ULK4: variants seen among roughly 807,000 people sequenced by gnomAD.
The protein encoded by ULK4 is inactive serine/threonine-protein kinase ULK4.
ULK4 carries 133 observed loss-of-function variants against 160.6 expected under a neutral mutation model. The ratio of observed to expected loss-of-function variants is 0.83; its 90% CI spans 0.72 to 0.96. The LOEUF is 0.96. Ranked by LOEUF, ULK4 falls within the 40% of genes least tolerant of loss-of-function variation. The pLI is 0.00. For synonymous variants in ULK4, 534 were observed against 539.8 expected, an observed-to-expected ratio of 0.99 and a Z score of 0.15; for missense variants, 1,580 against 1,499.5, an observed-to-expected ratio of 1.05 and a Z score of -0.89.
intron 34 of ULK4, among the ~76,000 whole-genome samples, chr3:41,440,976 T>TAC (rs2083153462): frequency 6.6e-6 from 1 of 152,070 alleles, no homozygotes; most frequent in African/African-American, 2.4e-5. Context: ...GTAGAATTTG[T>TAC]AGAGATGTCT....
chr3:41,756,540 T>TG (rs1275733760), intron 21 of ULK4, among the ~76,000 whole-genome samples: 1 of 151,998 alleles, frequency 6.6e-6, no homozygotes, highest in African/African-American at 2.4e-5. Flanking sequence ...AAAAGGAAGA[T>TG]GAGAACATTG....
chr3:41,693,683 G>A (rs2036388894), intron 27 of ULK4, among the ~76,000 whole-genome samples: 1 of 152,182 alleles, frequency 6.6e-6, no homozygotes, highest in African/African-American at 2.4e-5. Flanking sequence ...AGAGTAATGA[G>A]AGTATGATGG....
intron 16 of ULK4, among the ~76,000 whole-genome samples, chr3:41,890,452 G>A (rs1319814639): frequency 6.6e-6 from 1 of 151,998 alleles, no homozygotes; most frequent in African/African-American, 2.4e-5. Flanking sequence ...GGCCAAGGCA[G>A]GTGGATCACT....
intron 32 of ULK4, among the ~76,000 whole-genome samples, chr3:41,529,665 A>G (rs2086235576): frequency 6.6e-6 from 1 of 151,868 alleles, no homozygotes; most frequent in African/African-American, 2.4e-5. Context: ...TTTTTCCCCC[A>G]TATTTTTAGT....
chr3:41,751,061 T>G (rs1002928399), intron 22 of ULK4, among the ~76,000 whole-genome samples: 29 of 151,260 alleles, frequency 1.9e-4, no homozygotes, highest in Non-Finnish European at 3.7e-4. Flanking sequence ...CGGGTCAGCC[T>G]GCTCTTCCCG....
At chr3:41,833,297 T>TTTTGTTTTTTTTTTG in intron 18 of ULK4, among the ~76,000 whole-genome samples, 1 of 139,056 alleles carries the variant, frequency 7.2e-6, no homozygotes. Flanking sequence ...TTTTTTTTTT[T>TTTTGTTTTTTTTTTG]TTTGTTTGTT....
At chr3:41,873,934 C>T (rs1697209955) in intron 17 of ULK4, among the ~76,000 whole-genome samples, 1 of 150,552 alleles carries the variant, frequency 6.6e-6, no homozygotes, top group Non-Finnish European at 1.5e-5. Context: ...ATTATCTCAA[C>T]AGCTAAATTG....
At chr3:41,526,502 T>C (rs1460472548) in intron 32 of ULK4, among the ~76,000 whole-genome samples, 1 of 152,238 alleles carries the variant, frequency 6.6e-6, no homozygotes, top group Non-Finnish European at 1.5e-5. Flanking sequence ...AGACCAGAGA[T>C]GACAGAAATG....
At chr3:41,399,562 G>A (rs1021516722) in intron 34 of ULK4, among the ~76,000 whole-genome samples, 2 of 151,878 alleles carry the variant, frequency 1.3e-5, no homozygotes, top group Non-Finnish European at 2.9e-5. Flanking sequence ...AGATATCTAA[G>A]AATGTTTTAT....
chr3:41,654,149 T>C (rs1470427760), intron 30 of ULK4, among the ~76,000 whole-genome samples: 1 of 152,164 alleles, frequency 6.6e-6, no homozygotes, highest in Non-Finnish European at 1.5e-5. Flanking sequence ...GGTTCACAAA[T>C]CAAGAAATCC....
chr3:41,850,761 C>T (rs894947882), intron 17 of ULK4, among the ~76,000 whole-genome samples: 3 of 152,128 alleles, frequency 2.0e-5, no homozygotes, highest in Non-Finnish European at 4.4e-5. Context: ...TGTAGGTTGC[C>T]TGTTCACTCT....
At chr3:41,420,417 A>G (rs143541666) in intron 34 of ULK4, among the ~76,000 whole-genome samples, 1 of 122,462 alleles carries the variant, frequency 8.2e-6, no homozygotes, top group East Asian at 2.5e-4. Flanking sequence ...ATTTTTGGCC[A>G]TTTTATAGGA....
At chr3:41,918,365 G>C (rs1012711071) in intron 7 of ULK4, 92 bp downstream of exon 7, 6 of 766,200 alleles carry the variant, frequency 7.8e-6, no homozygotes, top group Non-Finnish European at 1.2e-5. Flanking sequence ...ACTTTGGGGA[G>C]TTATGAATCA....
intron 27 of ULK4, among the ~76,000 whole-genome samples, chr3:41,694,896 T>C (rs1181026552): frequency 1.3e-5 from 2 of 152,226 alleles, no homozygotes; most frequent in South Asian, 2.1e-4. Context: ...TGTGACTATA[T>C]GGTATGTATG....
At chr3:41,879,708 G>A (rs1697438724) in intron 17 of ULK4, among the ~76,000 whole-genome samples, 2 of 152,156 alleles carry the variant, frequency 1.3e-5, no homozygotes, top group Admixed American at 6.5e-5. Context: ...AAACTCCTAG[G>A]CTCAAGTTAT....
At chr3:41,784,288 G>T (rs1161782602) in intron 21 of ULK4, among the ~76,000 whole-genome samples, 1 of 152,002 alleles carries the variant, frequency 6.6e-6, no homozygotes, top group Non-Finnish European at 1.5e-5. Flanking sequence ...CACAAAATTA[G>T]CCAGGCGTGG....
At chr3:41,570,021 T>C (rs1451958893) in intron 31 of ULK4, among the ~76,000 whole-genome samples, 2 of 152,204 alleles carry the variant, frequency 1.3e-5, no homozygotes, top group Non-Finnish European at 2.9e-5. Context: ...AGGCTTCTAA[T>C]GGCCTGCGTA....
intron 30 of ULK4, among the ~76,000 whole-genome samples, chr3:41,646,184 C>G (rs1425186752): frequency 6.6e-6 from 1 of 152,128 alleles, no homozygotes; most frequent in Non-Finnish European, 1.5e-5. Context: ...GGCATTTAGT[C>G]CATTTACATT....
intron 21 of ULK4, among the ~76,000 whole-genome samples, chr3:41,772,575 T>C (rs1182786267): frequency 6.6e-6 from 1 of 151,978 alleles, no homozygotes; most frequent in Non-Finnish European, 1.5e-5. Context: ...GCGGCAATAA[T>C]TAATAGCTTA....
Sources: allele counts gnomAD v4.1 joint callset (sites outside exome capture counted in the v4.1 genomes callset), GRCh38; gene constraint gnomAD v4.1.1; transcripts MANE v1.5; gene names NCBI Gene and HGNC (gene_info 2026-07-23, HGNC 2026-07-21).